The following NEK6 variants were observed in gnomAD, a reference collection of about 807,000 sequenced individuals.
NEK6 encodes the protein NIMA related kinase 6, also known as serine/threonine-protein kinase Nek6.
Under a neutral mutation model 43.5 loss-of-function variants are expected in NEK6, and 27 were observed. The observed-to-expected ratio is 0.62, with a 90% CI of 0.46 to 0.86. The LOEUF (loss-of-function observed/expected upper bound fraction) is 0.86. Ranked by LOEUF, NEK6 falls within the 40% of genes least tolerant of loss-of-function variation. The pLI is 0.00. For missense variants in NEK6, 318 were observed against 414.4 expected (o/e 0.77, Z 2.02); for synonymous variants, 167 against 164.1 (o/e 1.02, Z -0.14).
At position 124,326,211 on chromosome 9, in the gene NEK6, C is replaced by CCCCCCCCCCCCCCCCCCCCCT; in HGVS notation, c.406-117_406-116insCCCCCCCCCCCCCCCCCCTCC. On this transcript the variant is annotated intron_variant, in intron 5 of 9. Transcript: ENST00000320246. The surrounding 1 kb of genome is among the most constrained non-coding windows in gnomAD (Gnocchi z 4.5). ...TTGCTCAGTGGCTCAATCCCCCCCC[C>CCCCCCCCCCCCCCCCCCCCCT]CCGCCCCTGCCAGGCACCAGTTACC... 1.0e-5 allele frequency: 2 copies of CCCCCCCCCCCCCCCCCCCCCT among 198,036 alleles called. No individual in the cohort carries two copies. The highest frequency in any genetic ancestry group is 2.5e-5 in the Non-Finnish European group (2 of 78,816). 12.3% of individuals were successfully genotyped at this position (198,036 alleles called of 1,614,324 possible).
intron 1 of NEK6, among the ~76,000 whole-genome samples, chr9:124,285,482 G>T (rs1832113337): frequency 6.6e-6 from 1 of 152,134 alleles, no homozygotes; most frequent in Non-Finnish European, 1.5e-5. Context: ...CAAAGAGCTG[G>T]GTCGATGGCC....
At chr9:124,290,145 C>T (rs1435485503) in intron 1 of NEK6, among the ~76,000 whole-genome samples, 1 of 152,234 alleles carries the variant, frequency 6.6e-6, no homozygotes, top group Non-Finnish European at 1.5e-5. Flanking sequence ...CACCTGGATG[C>T]ACTGAGGTGT....
intron 8 of NEK6, among the ~76,000 whole-genome samples, chr9:124,346,944 G>A (rs1465153714): frequency 4.6e-5 from 7 of 152,216 alleles, no homozygotes; most frequent in Non-Finnish European, 7.3e-5. Flanking sequence ...CCCAAGCCTC[G>A]CCACAGGCCT....
rs1239219711 is a variant in NEK6 at position 124,327,522 on chromosome 9, C to A, written c.622+77C>A. The A allele has an allele frequency of 8.8e-6, 10 of 1,138,054 alleles. No homozygotes were observed. The East Asian group carries it at 1.9e-4, about 21-fold the overall frequency. 70.5% of individuals were successfully genotyped at this position (1,138,054 alleles called of 1,614,324 possible). On this transcript the variant is annotated intron_variant, in intron 7 of 9. Transcript: ENST00000320246. Reference sequence around the variant, plus strand: ...TGCAGGGAGACGCAAACATTCTCCCCACGTGTGTTTGGTCAGTTAGTGCAG... The same window carrying A: ...TGCAGGGAGACGCAAACATTCTCCCAACGTGTGTTTGGTCAGTTAGTGCAG...
intron 1 of NEK6, among the ~76,000 whole-genome samples, chr9:124,263,984 T>C (rs563886730): frequency 4.7e-4 from 72 of 152,316 alleles, no homozygotes; most frequent in African/African-American, 1.6e-3. Context: ...TTGTTAATTA[T>C]TTACACAGCG....
chr9:124,284,136 G>A (rs1213149793), intron 1 of NEK6, among the ~76,000 whole-genome samples: 1 of 152,238 alleles, frequency 6.6e-6, no homozygotes, highest in Non-Finnish European at 1.5e-5. Context: ...ATCACCTGAG[G>A]TTGGGAATTC....
intron 7 of NEK6, among the ~76,000 whole-genome samples, chr9:124,332,945 T>C (rs566544924): frequency 6.6e-6 from 1 of 151,458 alleles, no homozygotes; most frequent in Non-Finnish European, 1.5e-5. Flanking sequence ...GGGAGGGGCA[T>C]GGAAACCCAG....
chr9:124,346,698 G>A (rs1011050742), intron 8 of NEK6, among the ~76,000 whole-genome samples: 13 of 152,110 alleles, frequency 8.5e-5, no homozygotes, highest in Admixed American at 5.2e-4. Flanking sequence ...CTGCGCCACC[G>A]CCTCAGGGCC....
At chr9:124,289,190 CACACACA>C (rs1473070633) in intron 1 of NEK6, among the ~76,000 whole-genome samples, 3 of 536 alleles carry the variant, frequency 5.6e-3, no homozygotes, top group African/African-American at 0.013. Context: ...CCCCCCGCCA[CACACACA>C]CACACACACA....
intron 2 of NEK6, among the ~76,000 whole-genome samples, chr9:124,302,475 T>C (rs1431612599): frequency 6.6e-6 from 1 of 152,146 alleles, no homozygotes; most frequent in African/African-American, 2.4e-5. Flanking sequence ...CCCATTTTGG[T>C]CTTAACTGTG....
intron 2 of NEK6, among the ~76,000 whole-genome samples, chr9:124,305,398 A>G (rs1833198927): frequency 6.6e-6 from 1 of 152,058 alleles, no homozygotes; most frequent in South Asian, 2.1e-4. Flanking sequence ...TACTAAAAAT[A>G]TAAAAATTAG....
chr9:124,311,122 C>G (rs913230359), intron 2 of NEK6, among the ~76,000 whole-genome samples: 2 of 152,174 alleles, frequency 1.3e-5, no homozygotes, highest in South Asian at 4.1e-4. Context: ...CCAGCAGTTC[C>G]TGGTGTTTCC....
intron 1 of NEK6, among the ~76,000 whole-genome samples, chr9:124,280,853 C>G (rs1346881393): frequency 6.6e-6 from 1 of 151,920 alleles, no homozygotes; most frequent in Non-Finnish European, 1.5e-5. Context: ...AGGGTAGTGT[C>G]GTGATCTCGG....
At chr9:124,259,798 G>T (rs551397762) in intron 1 of NEK6, among the ~76,000 whole-genome samples, 44 of 152,244 alleles carry the variant, frequency 2.9e-4, no homozygotes, top group Non-Finnish European at 2.2e-4. Context: ...CGTCTGCTTC[G>T]GAAATGACTA....
intron 1 of NEK6, chr9:124,261,671 T>C: frequency 2.5e-6 from 2 of 802,988 alleles, no homozygotes; most frequent in Non-Finnish European, 3.0e-6. Flanking sequence ...CTACTACATG[T>C]GCTTGAAATG....
intron 2 of NEK6, 148 bp downstream of exon 2, chr9:124,302,202 G>A (rs978347828): frequency 5.0e-6 from 3 of 604,846 alleles, no homozygotes; most frequent in Non-Finnish European, 8.6e-6. Flanking sequence ...TGGGGAGCTC[G>A]CTACCAAATC....
intron 1 of NEK6, among the ~76,000 whole-genome samples, chr9:124,298,982 C>A (rs1261285525): frequency 1.3e-5 from 2 of 152,214 alleles, no homozygotes. Context: ...AGTGTGCAGA[C>A]CATGGCATCT....
intron 1 of NEK6, among the ~76,000 whole-genome samples, chr9:124,289,662 A>G (rs1406411443): frequency 6.6e-6 from 1 of 152,178 alleles, no homozygotes; most frequent in Non-Finnish European, 1.5e-5. Context: ...GACCGAAAAG[A>G]TCTGGTTTTC....
At chr9:124,266,930 C>A (rs1831254266) in intron 1 of NEK6, among the ~76,000 whole-genome samples, 1 of 152,196 alleles carries the variant, frequency 6.6e-6, no homozygotes, top group African/African-American at 2.4e-5. Context: ...GGAACCTAAG[C>A]CCAGAAGGGC....
Sources: gnomAD v4.1 joint callset for allele counts (sites outside exome capture counted in the v4.1 genomes callset) on GRCh38, gnomAD v4.1.1 for gene constraint, Gnocchi (gnomAD v3.1) non-coding constraint, MANE v1.5 for transcripts, NCBI Gene and HGNC (gene_info 2026-07-23, HGNC 2026-07-21) for gene names.